ROBO1: variants seen among roughly 807,000 people sequenced by gnomAD.
The protein encoded by ROBO1 is roundabout homolog 1.
A neutral mutation model predicts 195.9 loss-of-function variants in ROBO1; 149 were observed. That is an observed-to-expected ratio of 0.76 (90% confidence interval 0.67 to 0.87). The LOEUF (loss-of-function observed/expected upper bound fraction) is 0.87. Ranked by LOEUF, ROBO1 falls within the 40% of genes least tolerant of loss-of-function variation. The pLI, the probability that ROBO1 is intolerant of heterozygous loss-of-function variation, is 0.00. For missense variants in ROBO1, 1,933 were observed against 2,068.3 expected (o/e 0.93, Z 1.27); for synonymous variants, 816 against 733.2 (o/e 1.11, Z -1.82).
intron 2 of ROBO1, among the ~76,000 whole-genome samples, chr3:79,187,029 T>A (rs960290250): frequency 1.3e-5 from 2 of 152,080 alleles, no homozygotes; most frequent in Non-Finnish European, 2.9e-5. Flanking sequence ...AGTGGGAAGA[T>A]GGATAATTCA....
chr3:79,464,207 T>C (rs1937818914), intron 2 of ROBO1, among the ~76,000 whole-genome samples: 1 of 152,230 alleles, frequency 6.6e-6, no homozygotes, highest in African/African-American at 2.4e-5. Context: ...TTGACTATTA[T>C]GAATAATTCT....
chr3:79,180,414 A>G (rs1367438683), intron 2 of ROBO1, among the ~76,000 whole-genome samples: 1 of 152,194 alleles, frequency 6.6e-6, no homozygotes. Flanking sequence ...TAAATTTTTT[A>G]AAAATCTGTC....
chr3:79,422,056 TTTATATATAAAAATATATATTTTAATGTA>T (rs1343645444), intron 2 of ROBO1, among the ~76,000 whole-genome samples: 8 of 148,894 alleles, frequency 5.4e-5, no homozygotes, highest in African/African-American at 2.0e-4. Flanking sequence ...AAATGTATAT[TTTATATATAAAAATATATATTTTAATGTA>T]TTATATATAA....
intron 2 of ROBO1, among the ~76,000 whole-genome samples, chr3:79,212,220 T>C (rs992438766): frequency 2.6e-5 from 4 of 152,198 alleles, no homozygotes; most frequent in African/African-American, 9.6e-5. Context: ...CTTGTCACAG[T>C]GCTGCAGAGA....
At chr3:78,822,120 A>ACACACACAC (rs1466633150) in intron 4 of ROBO1, among the ~76,000 whole-genome samples, 2 of 150,824 alleles carry the variant, frequency 1.3e-5, no homozygotes, top group African/African-American at 2.4e-5. Flanking sequence ...ACACACACAC[A>ACACACACAC]AATGTACGGT....
At chr3:79,125,416 T>C (rs2080196609) in intron 3 of ROBO1, 40 bp downstream of exon 3, 1 of 1,533,588 alleles carries the variant, frequency 6.5e-7, no homozygotes. Flanking sequence ...GGTGGAGGCA[T>C]TTCAGGAGGA....
chr3:79,708,733 T>G (rs1401875097), intron 1 of ROBO1, among the ~76,000 whole-genome samples: 1 of 152,074 alleles, frequency 6.6e-6, no homozygotes, highest in African/African-American at 2.4e-5. Flanking sequence ...ACCATGGTGT[T>G]TTGTGCATGT....
At chr3:79,588,259 G>A (rs1285723235) in intron 2 of ROBO1, among the ~76,000 whole-genome samples, 1 of 151,630 alleles carries the variant, frequency 6.6e-6, no homozygotes. Context: ...CTAAAATTAT[G>A]CAATATCCTT....
At chr3:79,462,761 ACCTG>A (rs1228583812) in intron 2 of ROBO1, among the ~76,000 whole-genome samples, 1 of 152,182 alleles carries the variant, frequency 6.6e-6, no homozygotes, top group Non-Finnish European at 1.5e-5. Flanking sequence ...TATTTTTTGT[ACCTG>A]TCTGATTTTA....
At chr3:79,638,729 A>G (rs1945570251) in intron 1 of ROBO1, among the ~76,000 whole-genome samples, 1 of 152,220 alleles carries the variant, frequency 6.6e-6, no homozygotes, top group Non-Finnish European at 1.5e-5. Context: ...CTTGACTAAT[A>G]CTGATGAAAT....
intron 2 of ROBO1, among the ~76,000 whole-genome samples, chr3:79,194,543 C>T (rs933631651): frequency 6.6e-6 from 1 of 151,626 alleles, no homozygotes; most frequent in Non-Finnish European, 1.5e-5. Context: ...GGCTTTCAAC[C>T]TTCAAGAGTT....
chr3:79,326,402 A>G (rs1413079614), intron 2 of ROBO1, among the ~76,000 whole-genome samples: 1 of 152,140 alleles, frequency 6.6e-6, no homozygotes, highest in Non-Finnish European at 1.5e-5. Context: ...CCCCCAGACG[A>G]CCAGCTTTAA....
At chr3:79,033,531 C>A (rs1026930112) in intron 3 of ROBO1, among the ~76,000 whole-genome samples, 17 of 152,066 alleles carry the variant, frequency 1.1e-4, no homozygotes, top group Non-Finnish European at 1.3e-4. Flanking sequence ...AAAATGCATA[C>A]AGCAATTAAT....
intron 14 of ROBO1, among the ~76,000 whole-genome samples, chr3:78,665,044 T>C (rs367707257): frequency 6.3e-4 from 96 of 152,280 alleles, no homozygotes; most frequent in Non-Finnish European, 1.1e-3. Context: ...TCTGCTCTGA[T>C]GTTATTATTT....
chr3:78,615,198 A>G (rs2107367626), intron 27 of ROBO1, among the ~76,000 whole-genome samples: 1 of 152,362 alleles, frequency 6.6e-6, no homozygotes, highest in East Asian at 1.9e-4. Flanking sequence ...GAAGAGCTAA[A>G]GTTCTTAAGA....
chr3:78,788,735 A>G (rs1028176718), intron 4 of ROBO1, among the ~76,000 whole-genome samples: 1 of 152,078 alleles, frequency 6.6e-6, no homozygotes, highest in African/African-American at 2.4e-5. Context: ...TAGGTCTACA[A>G]TTACAAAATA....
intron 4 of ROBO1, among the ~76,000 whole-genome samples, chr3:78,756,010 T>C (rs1399099060): frequency 6.6e-6 from 1 of 152,162 alleles, no homozygotes; most frequent in Non-Finnish European, 1.5e-5. Context: ...AATTTTAATC[T>C]AGTTTGATCC....
chr3:79,233,549 G>C (rs1164828429), intron 2 of ROBO1, among the ~76,000 whole-genome samples: 1 of 152,184 alleles, frequency 6.6e-6, no homozygotes, highest in African/African-American at 2.4e-5. Context: ...ATCCAATGCA[G>C]AGAAGCCAAA....
Position 78,600,413 on chromosome 3 carries a change from T to C in ROBO1, c.4745-104A>G, listed in dbSNP as rs1703104701. 3 of 745,392 alleles carry C rather than the reference T, an allele frequency of 4.0e-6. No individual in the cohort carries two copies. The African/African-American group carries it at 5.3e-5, about 13-fold the overall frequency. 46.2% of individuals were successfully genotyped at this position (745,392 alleles called of 1,614,324 possible). On this transcript the variant is annotated intron_variant, in intron 29 of 30. Coordinates refer to ENST00000464233, the MANE Select transcript of ROBO1 (RefSeq NM_002941.4). ...GTAATTCTGAATAAGGAAGCATCAG[T>C]GATTTAAGGTATAAATGAGGACACT... is the stretch of plus-strand genomic sequence containing the variant.
Sources: allele counts gnomAD v4.1 joint callset (sites outside exome capture counted in the v4.1 genomes callset), GRCh38; gene constraint gnomAD v4.1.1; transcripts MANE v1.5; gene names NCBI Gene and HGNC (gene_info 2026-07-23, HGNC 2026-07-21).